UPF2: variants seen among roughly 807,000 people sequenced by gnomAD.
The protein encoded by UPF2 is UPF2 regulator of nonsense mediated mRNA decay.
In UPF2, 17 loss-of-function variants were observed where a neutral mutation model predicts 141.4. The observed-to-expected ratio is 0.12, with a 90% CI of 0.08 to 0.18. The LOEUF is 0.18. UPF2 is among the 10% of genes least tolerant of loss of function. The pLI, the probability that UPF2 is intolerant of heterozygous loss-of-function variation, is 1.00. For missense variants in UPF2, 1,152 were observed against 1,515.9 expected (o/e 0.76, Z 3.99); for synonymous variants, 540 against 498.0 (o/e 1.08, Z -1.12).
At chr10:11,973,609 C>T (rs113081031) in intron 9 of UPF2, among the ~76,000 whole-genome samples, 2 of 152,178 alleles carry the variant, frequency 1.3e-5, no homozygotes, top group Non-Finnish European at 2.9e-5. Flanking sequence ...ATATGGCTAG[C>T]CAGTTTTCCC....
At chr10:11,938,842 GTTTTTTTTTTGTTTTTTTTTTTTT>G (rs1182954584) in intron 18 of UPF2, among the ~76,000 whole-genome samples, 20 of 45,870 alleles carry the variant, frequency 4.4e-4, no homozygotes, top group African/African-American at 1.2e-3. Flanking sequence ...TCTTAAGCAA[GTTTTTTTTTTGTTTTTTTTTTTTT>G]TTTTTTTTTT....
At chr10:12,030,606 C>G (rs1834502096) in intron 2 of UPF2, among the ~76,000 whole-genome samples, 2 of 151,772 alleles carry the variant, frequency 1.3e-5, no homozygotes, top group Admixed American at 1.3e-4. Context: ...GTTTTGAGGC[C>G]TGGGCAGTGG....
chr10:11,932,490 G>A (rs1039096349), intron 19 of UPF2, among the ~76,000 whole-genome samples: 4 of 151,888 alleles, frequency 2.6e-5, no homozygotes, highest in African/African-American at 9.7e-5. Context: ...AATAAAAGAT[G>A]AACAAAAACA....
intron 15 of UPF2, among the ~76,000 whole-genome samples, chr10:11,948,904 A>G (rs772397414): frequency 1.6e-4 from 25 of 152,240 alleles, no homozygotes; most frequent in Non-Finnish European, 2.1e-4. Context: ...AGATTTAAAG[A>G]GTCTCCAAAA....
At chr10:11,987,348 A>G (rs186393183) in intron 8 of UPF2, among the ~76,000 whole-genome samples, 1 of 152,384 alleles carries the variant, frequency 6.6e-6, no homozygotes, top group Admixed American at 6.5e-5. Context: ...AAAAAAAGAT[A>G]TAAACACTTA....
chr10:11,965,784 G>T (rs1191316001), intron 10 of UPF2, among the ~76,000 whole-genome samples: 1 of 151,820 alleles, frequency 6.6e-6, no homozygotes, highest in African/African-American at 2.4e-5. Flanking sequence ...AAAACTCTAA[G>T]AAGTCATGCA....
intron 16 of UPF2, among the ~76,000 whole-genome samples, chr10:11,943,933 C>T (rs932301258): frequency 6.6e-6 from 1 of 151,064 alleles, no homozygotes; most frequent in African/African-American, 2.4e-5. Context: ...CAGAGTGGAG[C>T]TTCATTTACC....
chr10:12,035,566 T>TA (rs1341120653), intron 1 of UPF2, 125 bp from the exon 2 acceptor site: 2 of 988,238 alleles, frequency 2.0e-6, no homozygotes, highest in Non-Finnish European at 2.8e-6. Flanking sequence ...TAAAGGCAGG[T>TA]AAAATGAATA....
chr10:12,018,121 G>A (rs924459612), intron 3 of UPF2, among the ~76,000 whole-genome samples: 1 of 152,154 alleles, frequency 6.6e-6, no homozygotes, highest in South Asian at 2.1e-4. Flanking sequence ...ACAAAGCAGA[G>A]AAATAACTCA....
chr10:12,015,676 T>C (rs1834207194), intron 3 of UPF2, among the ~76,000 whole-genome samples: 1 of 152,200 alleles, frequency 6.6e-6, no homozygotes, highest in Non-Finnish European at 1.5e-5. Flanking sequence ...CACTCCAGCC[T>C]GGGTGACAGA....
intron 19 of UPF2, among the ~76,000 whole-genome samples, chr10:11,932,749 CAATG>C (rs1188155929): frequency 6.6e-6 from 1 of 152,048 alleles, no homozygotes; most frequent in Non-Finnish European, 1.5e-5. Flanking sequence ...AACATAATAG[CAATG>C]AAGGTGATTT....
chr10:11,978,159 AC>A (rs1453831385), intron 9 of UPF2, among the ~76,000 whole-genome samples: 5 of 152,204 alleles, frequency 3.3e-5, no homozygotes, highest in Non-Finnish European at 5.9e-5. Flanking sequence ...TGAGTTCCTG[AC>A]CTCAGAATTG....
intron 4 of UPF2, among the ~76,000 whole-genome samples, chr10:12,013,475 A>G (rs1256305835): frequency 6.6e-6 from 1 of 151,756 alleles, no homozygotes; most frequent in East Asian, 1.9e-4. Flanking sequence ...TGGCGTTTCA[A>G]TGTTGGTCAG....
Position 11,956,408 on chromosome 10 carries a change from T to A in UPF2, c.2486A>T (p.Asn829Ile), listed in dbSNP as rs1833150418. Residue 829 changes from asparagine to isoleucine, a missense_variant, in exon 13 of 22, where the codon AAC becomes ATC. By Grantham distance (149) the Asn-to-Ile change is moderately radical. Coordinates refer to ENST00000357604, the MANE Select transcript of UPF2 (RefSeq NM_015542.4). The surrounding 1 kb of genome is among the most constrained non-coding windows in gnomAD (Gnocchi z 4.2). Reference sequence around the variant, plus strand: ...GTAGAGCACTAGTCCTGCTAAGAGGTTGGCTACACAATGAATACTATTATA... The same window carrying A: ...GTAGAGCACTAGTCCTGCTAAGAGGATGGCTACACAATGAATACTATTATA... ...VKYNSIHCVA[N>I]LLAGLVLYQE... The A allele has an allele frequency of 6.2e-7, 1 of 1,614,036 alleles. No homozygotes were observed. Among genetic ancestry groups the A allele is most frequent in the African/African-American group, 1.3e-5 (1 of 74,936 alleles).
intron 3 of UPF2, among the ~76,000 whole-genome samples, chr10:12,025,520 C>T (rs1045187123): frequency 1.3e-5 from 2 of 151,550 alleles, no homozygotes; most frequent in African/African-American, 2.4e-5. Flanking sequence ...CACTGCATTC[C>T]AGCCTGGGAG....
At chr10:11,933,477 T>C (rs1212741430) in intron 19 of UPF2, among the ~76,000 whole-genome samples, 4 of 152,282 alleles carry the variant, frequency 2.6e-5, no homozygotes, top group Non-Finnish European at 5.9e-5. Flanking sequence ...TTAGTAATAA[T>C]ATATCCTTAA....
Position 11,931,806 on chromosome 10 carries a change from T to G in UPF2, c.3547-24A>C. ...AACTGGGAGAAAATAACAAAGGAGT[T>G]ACAAATAGTTTGAGAACACTGAGAG... On this transcript the variant is annotated intron_variant, in intron 19 of 21. Coordinates refer to ENST00000357604, the MANE Select transcript of UPF2 (RefSeq NM_015542.4). This position sits in a 1 kb window ranked among gnomAD's most constrained non-coding sequence, Gnocchi z 5.9. The G allele has an allele frequency of 6.3e-7, 1 of 1,584,370 alleles. No homozygotes were observed. Among genetic ancestry groups the G allele is most frequent in the Non-Finnish European group, 8.5e-7 (1 of 1,171,772 alleles).
intron 9 of UPF2, 78 bp from the exon 10 acceptor site, chr10:11,967,532 T>A: frequency 1.4e-6 from 1 of 722,896 alleles, no homozygotes; most frequent in African/African-American, 1.9e-5. Context: ...TTTAATGCAT[T>A]CGAATTCACT....
chr10:12,040,158 T>C (rs557457564), intron 1 of UPF2, among the ~76,000 whole-genome samples: 6 of 152,220 alleles, frequency 3.9e-5, no homozygotes, highest in African/African-American at 1.4e-4. Context: ...TGGTGGCTCA[T>C]GCCTGTAATC....
Sources: gnomAD v4.1 joint callset for allele counts (sites outside exome capture counted in the v4.1 genomes callset) on GRCh38, gnomAD v4.1.1 for gene constraint, Gnocchi (gnomAD v3.1) non-coding constraint, MANE v1.5 for transcripts, NCBI Gene and HGNC (gene_info 2026-07-23, HGNC 2026-07-21) for gene names.